PGPEP1L: variants seen among roughly 807,000 people sequenced by gnomAD.
The protein encoded by PGPEP1L is pyroglutamyl-peptidase 1-like protein.
A neutral mutation model predicts 6.0 loss-of-function variants in PGPEP1L; 7 were observed. The ratio of observed to expected loss-of-function variants is 1.17; its 90% CI spans 0.66 to 2.19. The LOEUF (loss-of-function observed/expected upper bound fraction) is 2.19, where lower values mean the gene tolerates loss of function less well. PGPEP1L is among the 30% of genes most tolerant of loss of function. The pLI, the probability that PGPEP1L is intolerant of heterozygous loss-of-function variation, is 0.00. For synonymous variants in PGPEP1L, 103 were observed against 83.9 expected (o/e 1.23, Z -1.24); for missense variants, 209 against 192.5 (o/e 1.09, Z -0.51).
intron 2 of PGPEP1L, among the ~76,000 whole-genome samples, chr15:98,995,679 G>C (rs1018280691): frequency 7.9e-5 from 12 of 152,316 alleles, no homozygotes; most frequent in African/African-American, 2.9e-4. Context: ...CTGGGCGACA[G>C]AGCTAGACTC....
At position 98,969,645 on chromosome 15, in the gene PGPEP1L, C is replaced by T. The variant is rs201422918; in HGVS notation, c.-12G>A. On this transcript the variant is annotated 5_prime_UTR_variant, in exon 4 of 5. In the 5' UTR this introduces an upstream ATG that the reference lacks. Transcript: ENST00000535714. ...GCGGCGGTGTCCATGCCCACATGCA[C>T]GACGAGCTGTGTGAACGGGTAACAG... 1.9e-4 allele frequency: 301 copies of T among 1,610,906 alleles called. No individual in the cohort carries two copies. Among genetic ancestry groups the T allele is most frequent in the Non-Finnish European group, 2.3e-4 (268 of 1,179,848 alleles).
chr15:99,000,054 G>C (rs1042572440), intron 2 of PGPEP1L, among the ~76,000 whole-genome samples: 11 of 152,258 alleles, frequency 7.2e-5, no homozygotes, highest in African/African-American at 2.4e-4. Context: ...TGGAGGGAGA[G>C]GCGCGGGCGG....
At chr15:98,989,244 T>G (rs2017787990) in intron 2 of PGPEP1L, among the ~76,000 whole-genome samples, 1 of 151,996 alleles carries the variant, frequency 6.6e-6, no homozygotes, top group Non-Finnish European at 1.5e-5. Flanking sequence ...TGAAAAAAGG[T>G]TAGATGAATT....
At chr15:98,991,639 G>A (rs1214375665) in intron 2 of PGPEP1L, among the ~76,000 whole-genome samples, 3 of 152,108 alleles carry the variant, frequency 2.0e-5, no homozygotes, top group African/African-American at 7.2e-5. Context: ...AAACCTGGCA[G>A]ACAAACAACA....
In PGPEP1L at chr15:98,978,726, A is replaced by T. The variant is rs2441710; in HGVS notation, c.-141-7568T>A. On this transcript the variant is annotated intron_variant, in intron 2 of 4. Transcript: ENST00000535714. Reference sequence around the variant, plus strand: ...ACTGTGTATATATATATATATATATATTTTTTTTTTTTTTTTTTTTTTGAG... The same window carrying T: ...ACTGTGTATATATATATATATATATTTTTTTTTTTTTTTTTTTTTTTTGAG... Among the ~76,000 whole-genome samples the T allele has an allele frequency of 3.8e-3, 322 of 85,234 alleles. 9 individuals are homozygous for T. Among genetic ancestry groups the T allele is most frequent in the African/African-American group, 0.012 (243 of 19,546 alleles). The allele number at this position is 85,234 out of a possible 152,430, so 55.9% of individuals were successfully genotyped here. A position where few individuals can be genotyped will look rare whatever the true frequency, so the allele number is the denominator to read the frequency against.
intron 3 of PGPEP1L, 124 bp downstream of exon 3, chr15:98,970,912 G>T: frequency 1.4e-6 from 2 of 1,403,750 alleles, no homozygotes; most frequent in Non-Finnish European, 1.9e-6. Flanking sequence ...GACCTTGCAT[G>T]ACTGGTGGGG....
intron 2 of PGPEP1L, among the ~76,000 whole-genome samples, chr15:98,995,306 TA>T: frequency 6.6e-6 from 1 of 152,378 alleles, no homozygotes; most frequent in Non-Finnish European, 1.5e-5. Context: ...CATTTGTCTC[TA>T]AACTTCTATA....
At chr15:98,969,716 G>A in intron 3 of PGPEP1L, 65 bp from the exon 4 acceptor site, 1 of 1,515,800 alleles carries the variant, frequency 6.6e-7, no homozygotes, top group South Asian at 1.1e-5. Context: ...CACCAAATGT[G>A]CAGAAGGGGC....
intron 2 of PGPEP1L, among the ~76,000 whole-genome samples, chr15:98,981,954 C>A (rs574927274): frequency 1.3e-5 from 2 of 152,182 alleles, no homozygotes; most frequent in Non-Finnish European, 2.9e-5. Context: ...ACAGTAACAT[C>A]CGGGAAAAAT....
intron 2 of PGPEP1L, among the ~76,000 whole-genome samples, chr15:98,994,093 C>T (rs1217760940): frequency 6.6e-6 from 1 of 151,768 alleles, no homozygotes; most frequent in African/African-American, 2.4e-5. Context: ...TGGTGAAACC[C>T]CGTCTGTACT....
intron 2 of PGPEP1L, among the ~76,000 whole-genome samples, chr15:98,995,289 T>G (rs2017872149): frequency 6.6e-6 from 1 of 152,260 alleles, no homozygotes; most frequent in Non-Finnish European, 1.5e-5. Flanking sequence ...TTCACTAATT[T>G]TCTCTTCATT....
intron 2 of PGPEP1L, among the ~76,000 whole-genome samples, chr15:98,985,909 C>T (rs555776608): frequency 6.6e-6 from 1 of 152,244 alleles, no homozygotes; most frequent in Admixed American, 6.5e-5. Context: ...TTCCCAGCTA[C>T]CCTCCCTCCA....
chr15:98,987,165 CAAAAAAA>C (rs57923635), intron 2 of PGPEP1L, among the ~76,000 whole-genome samples: 1,042 of 33,272 alleles, frequency 0.031, 7 homozygotes, highest in African/African-American at 0.11. Context: ...GACTCCATCT[CAAAAAAA>C]AAAAAAAAAA....
intron 2 of PGPEP1L, among the ~76,000 whole-genome samples, chr15:99,003,178 G>C (rs1380058791): frequency 1.4e-4 from 19 of 137,468 alleles, no homozygotes; most frequent in African/African-American, 5.1e-4. Context: ...AAAAAAAAAA[G>C]GGCAGTTATA....
Position 98,971,054 on chromosome 15 carries a change from C to G in PGPEP1L, c.-37G>C. Reference sequence around the variant, plus strand: ...CACTTACTTGCGGCTGATGATCTTCCCAGATTCCGGTGACCCTCCGCTTAG... The same window carrying G: ...CACTTACTTGCGGCTGATGATCTTCGCAGATTCCGGTGACCCTCCGCTTAG... On this transcript the variant is annotated 5_prime_UTR_variant, in exon 3 of 5. Transcript: ENST00000535714. 1 of 1,613,842 alleles carries G rather than the reference C, an allele frequency of 6.2e-7. No homozygotes were observed. Among genetic ancestry groups the G allele is most frequent in the Non-Finnish European group, 8.5e-7 (1 of 1,179,828 alleles).
At chr15:98,999,361 A>G (rs1240652708) in intron 2 of PGPEP1L, among the ~76,000 whole-genome samples, 2 of 152,244 alleles carry the variant, frequency 1.3e-5, no homozygotes, top group Non-Finnish European at 2.9e-5. Context: ...TCATAGAAAT[A>G]CAAATTAAAA....
chr15:99,006,560 G>C (rs562077696), intron 1 of PGPEP1L, among the ~76,000 whole-genome samples: 4 of 152,366 alleles, frequency 2.6e-5, no homozygotes, highest in South Asian at 4.1e-4. Flanking sequence ...CAGGTGCACT[G>C]GCTCACGCCT....
intron 2 of PGPEP1L, among the ~76,000 whole-genome samples, chr15:98,989,870 C>A (rs965974666): frequency 5.3e-5 from 8 of 152,110 alleles, no homozygotes; most frequent in Non-Finnish European, 1.0e-4. Flanking sequence ...AATTTCATAT[C>A]CAGCCAAACT....
chr15:98,972,991 C>T (rs2017521080), intron 2 of PGPEP1L, among the ~76,000 whole-genome samples: 1 of 149,134 alleles, frequency 6.7e-6, no homozygotes, highest in South Asian at 2.1e-4. Flanking sequence ...AAGATATGCA[C>T]AGACTAAAAG....
Sources: gnomAD v4.1 joint callset for allele counts (sites outside exome capture counted in the v4.1 genomes callset) on GRCh38, gnomAD v4.1.1 for gene constraint, MANE v1.5 for transcripts, NCBI Gene and HGNC (gene_info 2026-07-23, HGNC 2026-07-21) for gene names.